The following FGF8 variants were observed in gnomAD, a reference collection of about 807,000 sequenced individuals.
The protein encoded by FGF8 is androgen-induced growth factor.
Under a neutral mutation model 29.7 loss-of-function variants are expected in FGF8, and 12 were observed. That is an observed-to-expected ratio of 0.40 (90% confidence interval 0.26 to 0.65). The LOEUF is 0.65. Ranked by LOEUF, FGF8 falls within the 30% of genes least tolerant of loss-of-function variation. FGF8 has a pLI of 0.37. For missense variants in FGF8, 271 were observed against 345.1 expected, an observed-to-expected ratio of 0.79 and a Z score of 1.70; for synonymous variants, 157 against 144.4, an observed-to-expected ratio of 1.09 and a Z score of -0.63.
At chr10:101,774,690 C>A (rs1272683918) in intron 4 of FGF8, 42 bp downstream of exon 4, 1 of 1,567,850 alleles carries the variant, frequency 6.4e-7, no homozygotes, top group Non-Finnish European at 8.7e-7. Context: ...ACTGGTGGTC[C>A]AGGCGCCGCG....
Position 101,772,778 on chromosome 10 carries a change from C to T in FGF8, c.338-1209G>A, listed in dbSNP as rs1032405857. The stretch of plus-strand genomic sequence containing the variant: ...TAATGTTCCCCGCTTCACACAGGCT[C>T]AGTGCTGGGACCAGTGGCCAAGCCC... On this transcript the variant is annotated intron_variant, in intron 4 of 5. Transcript: ENST00000320185. This position sits in a 1 kb window ranked among gnomAD's most constrained non-coding sequence, Gnocchi z 4.4. Among the ~76,000 whole-genome samples the T allele has an allele frequency of 1.3e-5, 2 of 152,162 alleles. No homozygotes were observed. Among genetic ancestry groups the T allele is most frequent in the African/African-American group, 4.8e-5 (2 of 41,440 alleles).
chr10:101,770,654 GC>G (rs756790675), intron 5 of FGF8, 35 bp from the exon 6 acceptor site: 3 of 1,601,210 alleles, frequency 1.9e-6, no homozygotes, highest in African/African-American at 1.3e-5. Context: ...ACGTTACAGA[GC>G]CCCCCCAGCA....
Position 101,772,780 on chromosome 10 carries a change from G to A in FGF8, c.338-1211C>T, listed in dbSNP as rs2065042078. Among the ~76,000 whole-genome samples the A allele has an allele frequency of 6.6e-6, 1 of 152,178 alleles. No homozygotes were observed. The highest frequency in any genetic ancestry group is 6.5e-5 in the Admixed American group (1 of 15,288). On this transcript the variant is annotated intron_variant, in intron 4 of 5. Transcript: ENST00000320185. This position sits in a 1 kb window ranked among gnomAD's most constrained non-coding sequence, Gnocchi z 4.4. ...ATGTTCCCCGCTTCACACAGGCTCA[G>A]TGCTGGGACCAGTGGCCAAGCCCCC...
In FGF8 at chr10:101,775,609, G is replaced by A. The variant is rs953247735; in HGVS notation, c.69+131C>T. 1.2e-5 allele frequency: 13 copies of A among 1,043,608 alleles called. No individual in the cohort carries two copies. Among genetic ancestry groups the A allele is most frequent in the African/African-American group, 3.2e-5 (2 of 62,562 alleles). 64.6% of individuals were successfully genotyped at this position (1,043,608 alleles called of 1,614,324 possible). ...AGCTCCCTCCTCGGGGTGGCTCGGG[G>A]CTGGGTTTCTAAGGTGCCCTCAGCC... On this transcript the variant is annotated intron_variant, in intron 2 of 5. Coordinates refer to ENST00000320185, the MANE Select transcript of FGF8 (RefSeq NM_033163.5). The surrounding 1 kb of genome is among the most constrained non-coding windows in gnomAD (Gnocchi z 4.6).
Position 101,771,936 on chromosome 10 carries a change from T to C in FGF8, c.338-367A>G, listed in dbSNP as rs961833602. Among the ~76,000 whole-genome samples, 3 of 152,366 alleles carry C rather than the reference T, an allele frequency of 2.0e-5. No individual in the cohort carries two copies. Among genetic ancestry groups the C allele is most frequent in the Middle Eastern group, 3.4e-3 (1 of 294 alleles). On this transcript the variant is annotated intron_variant, in intron 4 of 5. Coordinates refer to ENST00000320185, the MANE Select transcript of FGF8 (RefSeq NM_033163.5). This position sits in a 1 kb window ranked among gnomAD's most constrained non-coding sequence, Gnocchi z 5.3. ...AAAATTTAATTGAATCAGAGTTCCA[T>C]AGCTAATCAAAAGATCTCCGAGGAT...
At chr10:101,778,288 C>T (rs1056333980), upstream of FGF8, among the ~76,000 whole-genome samples, 4 of 152,200 alleles carry the variant, frequency 2.6e-5, no homozygotes, top group African/African-American at 9.6e-5. Flanking sequence ...AGGGAGTAGG[C>T]CCCAGGCAGG....
rs2065038942 is a variant in FGF8 at position 101,772,506 on chromosome 10, T to G, written c.338-937A>C. Among the ~76,000 whole-genome samples the G allele has an allele frequency of 1.3e-5, 2 of 152,156 alleles. No individual in the cohort carries two copies. The highest frequency in any genetic ancestry group is 6.5e-5 in the Admixed American group (1 of 15,276). On this transcript the variant is annotated intron_variant, in intron 4 of 5. Transcript: ENST00000320185. The surrounding 1 kb of genome is among the most constrained non-coding windows in gnomAD (Gnocchi z 4.4). ...GCCACAGAAGCCTGTCCTGTTCACC[T>G]CTCTGTGCAATCATCTCTTATAGGC...
Position 101,775,327 on chromosome 10 carries a change from G to T in FGF8, c.70-111C>A. On this transcript the variant is annotated intron_variant, in intron 2 of 5. Transcript: ENST00000320185. The surrounding 1 kb of genome is among the most constrained non-coding windows in gnomAD (Gnocchi z 4.6). ...GAGAGTGCAGGGAACCTGGGCACCC[G>T]ATCATTGGGCCAAATCGGCCACAAG... The T allele has an allele frequency of 3.8e-6, 3 of 788,776 alleles. No individual in the cohort carries two copies. The highest frequency in any genetic ancestry group is 1.5e-5 in the South Asian group (1 of 66,138). 48.9% of individuals were successfully genotyped at this position (788,776 alleles called of 1,614,324 possible).
chr10:101,774,461 C>T (rs1403315985), intron 4 of FGF8, among the ~76,000 whole-genome samples: 1 of 152,180 alleles, frequency 6.6e-6, no homozygotes, highest in Non-Finnish European at 1.5e-5. Flanking sequence ...CCTGCCTCCA[C>T]CTGCAGCTGG....
At position 101,771,125 on chromosome 10, in the gene FGF8, C is replaced by T. The variant is rs1479021538; in HGVS notation, c.444+338G>A. On this transcript the variant is annotated intron_variant, in intron 5 of 5. Transcript: ENST00000320185. This position sits in a 1 kb window ranked among gnomAD's most constrained non-coding sequence, Gnocchi z 5.3. ...GAGCTCGGCCGAGGGGCTGGGCCTG[C>T]GGCTTACTGAACATTCCAAATGCTG... is the stretch of plus-strand genomic sequence containing the variant. 2.0e-5 allele frequency among the ~76,000 whole-genome samples: 3 copies of T among 152,200 alleles called. No individual in the cohort carries two copies. The highest frequency in any genetic ancestry group is 2.1e-4 in the South Asian group (1 of 4,830).
chr10:101,770,140 T>TA lies in FGF8; in HGVS notation c.*188_*189insT, dbSNP rs2064996099. 3.1e-5 allele frequency: 16 copies of TA among 523,748 alleles called. No individual in the cohort carries two copies. The highest frequency in any genetic ancestry group is 4.3e-5 in the Non-Finnish European group (13 of 304,524). The allele number at this position is 523,748 out of a possible 1,614,324, so 32.4% of individuals were successfully genotyped here. A position where few individuals can be genotyped will look rare whatever the true frequency, so the allele number is the denominator to read the frequency against. On this transcript the variant is annotated 3_prime_UTR_variant, in exon 6 of 6. Transcript: ENST00000320185. The stretch of plus-strand genomic sequence containing the variant: ...ACAAAAATAGAGCCTCTCTTTTGTT[T>TA]TAAAAAAAAAAAAAAAAAAAAAAAC...
chr10:101,778,905 A>T (rs546762191), upstream of FGF8, among the ~76,000 whole-genome samples: 2 of 152,288 alleles, frequency 1.3e-5, no homozygotes, highest in African/African-American at 4.8e-5. Context: ...ATCTGCAATC[A>T]GAGCTCCCTG....
rs921814082 is a variant in FGF8, at chr10:101,775,750, A to G, written c.59T>C (p.Leu20Pro). The G allele has an allele frequency of 6.5e-7, 1 of 1,545,434 alleles. No individual in the cohort carries two copies. ...CGCACCCCTCCTCACCTGGGCTTGG[A>G]GGCAGAGGACCAGCAAGTGCAACAG... ...CLLLHLLVLC[L>P]QAQEGPGRGP... Residue 20 changes from leucine to proline, a missense_variant, in exon 2 of 6, where the codon CTC (leucine) becomes CCC (proline). Leu to Pro is a moderately conservative substitution (Grantham distance 98). This residue lies in a region of FGF8 where 168 missense variants were observed against 207.0 expected (regional missense o/e 0.81). Transcript: ENST00000320185. This position sits in a 1 kb window ranked among gnomAD's most constrained non-coding sequence, Gnocchi z 4.6.
rs1345793115 is a variant in FGF8, at chr10:101,775,688, C to A, written c.69+52G>T. On this transcript the variant is annotated intron_variant, in intron 2 of 5. Transcript: ENST00000320185. This position sits in a 1 kb window ranked among gnomAD's most constrained non-coding sequence, Gnocchi z 4.6. ...GGTGCCCCCGACCGGCGCTGCCCAC[C>A]CGGGTCTCACACCGGCGCGCCCGGC... The A allele has an allele frequency of 2.0e-6, 3 of 1,535,368 alleles. No individual in the cohort carries two copies. In the South Asian group the frequency reaches 3.6e-5, roughly 18 times the overall value.
Position 101,771,642 on chromosome 10 carries a change from C to A in FGF8, c.338-73G>T. 1 of 1,185,014 alleles carries A rather than the reference C, an allele frequency of 8.4e-7. No individual in the cohort carries two copies. The highest frequency in any genetic ancestry group is 2.3e-5 in the East Asian group (1 of 42,688). 73.4% of individuals were successfully genotyped at this position (1,185,014 alleles called of 1,614,324 possible). On this transcript the variant is annotated intron_variant, in intron 4 of 5. Coordinates refer to ENST00000320185, the MANE Select transcript of FGF8 (RefSeq NM_033163.5). This position sits in a 1 kb window ranked among gnomAD's most constrained non-coding sequence, Gnocchi z 5.3. Reference sequence around the variant, plus strand: ...GCTGGCCCACACACTTGTCACAGCCCAGCAGCAACTGCTCCAAAGACCAGG... The same window carrying A: ...GCTGGCCCACACACTTGTCACAGCCAAGCAGCAACTGCTCCAAAGACCAGG...
At chr10:101,773,653 C>T (rs999870157) in intron 4 of FGF8, among the ~76,000 whole-genome samples, 3 of 152,062 alleles carry the variant, frequency 2.0e-5, no homozygotes, top group Admixed American at 6.5e-5. Context: ...TCAGCTACGT[C>T]GATGCAGAAA....
chr10:101,772,142 G>C lies in FGF8; in HGVS notation c.338-573C>G, dbSNP rs2065035428. 6.6e-6 allele frequency among the ~76,000 whole-genome samples: 1 copy of C among 152,204 alleles called. No individual in the cohort carries two copies. On this transcript the variant is annotated intron_variant, in intron 4 of 5. Coordinates refer to ENST00000320185, the MANE Select transcript of FGF8 (RefSeq NM_033163.5). The surrounding 1 kb of genome is among the most constrained non-coding windows in gnomAD (Gnocchi z 4.4). ...CCTCAACATCACCAGGCTCTGCTCT[G>C]CTGAGAAGGTGCTAGGGATGGGGAC...
In FGF8 at chr10:101,775,837, C is replaced by G. The variant is rs1294205360; in HGVS notation, c.32+32G>C. Reference sequence around the variant, plus strand: ...CGGGTGAGGCGAGGGGCGCGGGGGGCGGGTGGCGGGGCAGGGCGGCGCGGT... The same window carrying G: ...CGGGTGAGGCGAGGGGCGCGGGGGGGGGGTGGCGGGGCAGGGCGGCGCGGT... On this transcript the variant is annotated intron_variant, in intron 1 of 5. Coordinates refer to ENST00000320185, the MANE Select transcript of FGF8 (RefSeq NM_033163.5). This position sits in a 1 kb window ranked among gnomAD's most constrained non-coding sequence, Gnocchi z 4.6. The G allele has an allele frequency of 1.2e-5, 12 of 967,736 alleles. No homozygotes were observed. Among genetic ancestry groups the G allele is most frequent in the South Asian group, 1.0e-4 (6 of 59,062 alleles). The allele number at this position is 967,736 out of a possible 1,614,324, so 59.9% of individuals were successfully genotyped here. A position where few individuals can be genotyped will look rare whatever the true frequency, so the allele number is the denominator to read the frequency against.
rs936768199 is a variant in FGF8 at position 101,772,627 on chromosome 10, C to T, written c.338-1058G>A. 2.0e-5 allele frequency among the ~76,000 whole-genome samples: 3 copies of T among 152,218 alleles called. No individual in the cohort carries two copies. Among genetic ancestry groups the T allele is most frequent in the African/African-American group, 7.2e-5 (3 of 41,450 alleles). On this transcript the variant is annotated intron_variant, in intron 4 of 5. Transcript: ENST00000320185. The surrounding 1 kb of genome is among the most constrained non-coding windows in gnomAD (Gnocchi z 4.4). ...TCCCTGCCGCAGAGCCCAGCCTCTC[C>T]CCTCCCTGAGAAAGCAGTTCTTGGA...
Sources: allele counts gnomAD v4.1 joint callset (sites outside exome capture counted in the v4.1 genomes callset), GRCh38; gene constraint gnomAD v4.1.1; regional missense constraint gnomAD v4.1.1; non-coding constraint Gnocchi (gnomAD v3.1); transcripts MANE v1.5; gene names NCBI Gene and HGNC (gene_info 2026-07-23, HGNC 2026-07-21).